The following TRAPPC9 variants were observed in gnomAD, a reference collection of about 807,000 sequenced individuals.
The protein encoded by TRAPPC9 is IKK2 binding protein.
Under a neutral mutation model 124.0 loss-of-function variants are expected in TRAPPC9, and 83 were observed. The ratio of observed to expected loss-of-function variants is 0.67; its 90% CI spans 0.56 to 0.80. The LOEUF is 0.80. Ranked by LOEUF, TRAPPC9 falls within the 30% of genes least tolerant of loss-of-function variation. The pLI is 0.00. For missense variants in TRAPPC9, 1,302 were observed against 1,508.3 expected (o/e 0.86, Z 2.27); for synonymous variants, 638 against 617.5 (o/e 1.03, Z -0.49).
chr8:139,963,890 G>A (rs1259735301), intron 19 of TRAPPC9, among the ~76,000 whole-genome samples: 1 of 151,888 alleles, frequency 6.6e-6, no homozygotes, highest in East Asian at 1.9e-4. Context: ...AGTAAATTAT[G>A]GTATATATGT....
At chr8:140,044,722 G>A (rs1023262490) in intron 17 of TRAPPC9, among the ~76,000 whole-genome samples, 3 of 152,132 alleles carry the variant, frequency 2.0e-5, no homozygotes, top group Non-Finnish European at 4.4e-5. Context: ...TTCTCGCCTC[G>A]GGGAGAATAA....
intron 17 of TRAPPC9, among the ~76,000 whole-genome samples, chr8:140,049,879 AGT>A (rs1319796140): frequency 1.3e-5 from 2 of 152,342 alleles, no homozygotes; most frequent in East Asian, 3.9e-4. Flanking sequence ...TCCAAGATCA[AGT>A]GGGAAAGGCT....
At chr8:139,751,414 C>T (rs1335880073) in intron 21 of TRAPPC9, among the ~76,000 whole-genome samples, 1 of 152,176 alleles carries the variant, frequency 6.6e-6, no homozygotes, top group African/African-American at 2.4e-5. Flanking sequence ...GCTGCTGGTC[C>T]CAGGGCCATG....
chr8:140,229,946 G>A (rs1205451246), intron 16 of TRAPPC9, among the ~76,000 whole-genome samples: 7 of 152,196 alleles, frequency 4.6e-5, no homozygotes, highest in African/African-American at 9.6e-5. Flanking sequence ...CTTTAAAGTT[G>A]CAGCCCTAAA....
rs193055321 is a variant in TRAPPC9 at position 139,834,436 on chromosome 8, A to G, written c.3055+51443T>C. 5.8e-4 allele frequency among the ~76,000 whole-genome samples: 89 copies of G among 152,316 alleles called. No individual in the cohort carries two copies. The South Asian group carries it at 0.011, about 19-fold the overall frequency. ...CGTGTGTGTTCACCACGTGACATGC[A>G]CAACTGAGAGACAGAGCTGGCTTTC... On this transcript the variant is annotated intron_variant, in intron 21 of 22. Transcript: ENST00000438773.
intron 12 of TRAPPC9, among the ~76,000 whole-genome samples, chr8:140,290,340 T>C (rs1175737168): frequency 1.3e-5 from 2 of 152,174 alleles, no homozygotes; most frequent in Admixed American, 6.5e-5. Flanking sequence ...CACACAGCAA[T>C]GCAGAGAAGA....
chr8:140,270,623 A>G (rs187334528), intron 15 of TRAPPC9, among the ~76,000 whole-genome samples: 1 of 152,330 alleles, frequency 6.6e-6, no homozygotes, highest in Admixed American at 6.5e-5. Flanking sequence ...GCAGCAAAGG[A>G]GACCCAGGAG....
intron 17 of TRAPPC9, among the ~76,000 whole-genome samples, chr8:140,069,443 G>A (rs558198504): frequency 6.6e-6 from 1 of 152,306 alleles, no homozygotes; most frequent in African/African-American, 2.4e-5. Flanking sequence ...GCTCAGCACA[G>A]AGGTCTGAAA....
intron 17 of TRAPPC9, among the ~76,000 whole-genome samples, chr8:140,127,353 T>C (rs2061117437): frequency 6.6e-6 from 1 of 152,198 alleles, no homozygotes. Context: ...CACAACCAAC[T>C]ATGTTAGAGT....
At chr8:139,792,556 G>A (rs1432202280) in intron 21 of TRAPPC9, among the ~76,000 whole-genome samples, 1 of 152,194 alleles carries the variant, frequency 6.6e-6, no homozygotes, top group African/African-American at 2.4e-5. Context: ...CCTGGATGTG[G>A]GGCTGATGGG....
At chr8:140,274,801 T>C (rs1291986927) in intron 15 of TRAPPC9, among the ~76,000 whole-genome samples, 1 of 152,150 alleles carries the variant, frequency 6.6e-6, no homozygotes, top group African/African-American at 2.4e-5. Context: ...GGAAGTAACA[T>C]GTGATTAGTA....
chr8:140,384,413 C>T (rs560113272), intron 7 of TRAPPC9, among the ~76,000 whole-genome samples: 9 of 152,232 alleles, frequency 5.9e-5, no homozygotes, highest in East Asian at 3.9e-4. Flanking sequence ...ATTCAGGAAA[C>T]CCATCTCACA....
Position 140,252,421 on chromosome 8 carries a change from C to A in TRAPPC9, c.2431+356G>T. ...CCACCTCCTTATAGATATCATCAGA[C>A]TTTGAAGGAAAACTTTATCATCACA... On this transcript the variant is annotated intron_variant, in intron 16 of 22. Transcript: ENST00000438773. The surrounding 1 kb of genome is among the most constrained non-coding windows in gnomAD (Gnocchi z 4.2). The A allele has an allele frequency of 3.3e-6, 1 of 306,388 alleles. No homozygotes were observed. The highest frequency in any genetic ancestry group is 3.3e-5 in the South Asian group (1 of 30,424). 19.0% of individuals were successfully genotyped at this position (306,388 alleles called of 1,614,324 possible).
intron 21 of TRAPPC9, among the ~76,000 whole-genome samples, chr8:139,879,313 G>A (rs1421133893): frequency 5.1e-4 from 77 of 152,210 alleles, no homozygotes; most frequent in Admixed American, 5.0e-3. Flanking sequence ...CGGGATGGGA[G>A]GGGAGCTTCC....
At chr8:139,896,239 C>G (rs566572626) in intron 20 of TRAPPC9, among the ~76,000 whole-genome samples, 1 of 152,342 alleles carries the variant, frequency 6.6e-6, no homozygotes, top group Admixed American at 6.5e-5. Flanking sequence ...CTACAACATA[C>G]AGTGGCAATG....
chr8:139,989,345 A>G (rs1202215023), intron 18 of TRAPPC9, among the ~76,000 whole-genome samples: 1 of 152,152 alleles, frequency 6.6e-6, no homozygotes, highest in Non-Finnish European at 1.5e-5. Flanking sequence ...AGCTTCTCCC[A>G]TGCGGGCACC....
intron 21 of TRAPPC9, among the ~76,000 whole-genome samples, chr8:139,771,976 C>G (rs1820997759): frequency 6.6e-6 from 1 of 152,352 alleles, no homozygotes; most frequent in East Asian, 1.9e-4. Context: ...AGGGAGATAT[C>G]TGAGCTCACA....
intron 19 of TRAPPC9, among the ~76,000 whole-genome samples, chr8:139,929,458 G>A (rs183636769): frequency 6.6e-5 from 10 of 152,280 alleles, no homozygotes; most frequent in Non-Finnish European, 1.0e-4. Flanking sequence ...GGAGGGGGCC[G>A]AGCGTGGTGG....
chr8:140,116,118 A>G (rs1415604444), intron 17 of TRAPPC9, among the ~76,000 whole-genome samples: 5 of 152,108 alleles, frequency 3.3e-5, no homozygotes, highest in Non-Finnish European at 7.4e-5. Context: ...CACGCAGGAT[A>G]TGAGGGGTCA....
Sources: allele counts gnomAD v4.1 joint callset (sites outside exome capture counted in the v4.1 genomes callset), GRCh38; gene constraint gnomAD v4.1.1; non-coding constraint Gnocchi (gnomAD v3.1); transcripts MANE v1.5; gene names NCBI Gene and HGNC (gene_info 2026-07-23, HGNC 2026-07-21).